The following FSD1 variants were observed in gnomAD, a reference collection of about 807,000 sequenced individuals.
The protein encoded by FSD1 is fibronectin type III and SPRY domain containing 1.
Under a neutral mutation model 58.2 loss-of-function variants are expected in FSD1, and 23 were observed. That is an observed-to-expected ratio of 0.40 (90% CI 0.28 to 0.56). FSD1 has a LOEUF of 0.56. Among genes scored for constraint, FSD1 ranks in the 20% least tolerant of loss-of-function variants. The pLI is 0.54. For synonymous variants in FSD1, 265 were observed against 263.4 expected (o/e 1.01, Z -0.06); for missense variants, 563 against 670.8 (o/e 0.84, Z 1.78).
intron 4 of FSD1, among the ~76,000 whole-genome samples, chr19:4,309,382 T>C (rs766547435): frequency 1.3e-5 from 2 of 152,184 alleles, no homozygotes; most frequent in Non-Finnish European, 2.9e-5. Context: ...GCATGGGACA[T>C]AGTCATGATT....
intron 1 of FSD1, 45 bp downstream of exon 1, chr19:4,304,806 CGGGG>C: frequency 4.5e-5 from 8 of 179,414 alleles, no homozygotes; most frequent in East Asian, 9.5e-5. Flanking sequence ...GCGTCGGGGG[CGGGG>C]AAGGGGACCA....
chr19:4,323,657 C>G lies in FSD1; in HGVS notation c.*14C>G. On this transcript the variant is annotated 3_prime_UTR_variant, in exon 13 of 13. Transcript: ENST00000221856. This position sits in a 1 kb window ranked among gnomAD's most constrained non-coding sequence, Gnocchi z 7.7. ...AGCCTCACCTAGGCCCCCAGGCACC[C>G]ACCCAGCTGGGGTGTTTTTGGGGGA... 6.3e-7 allele frequency: 1 copy of G among 1,587,654 alleles called. No individual in the cohort carries two copies. The highest frequency in any genetic ancestry group is 8.6e-7 in the Non-Finnish European group (1 of 1,159,228).
chr19:4,310,233 A>G (rs1971673175), intron 4 of FSD1, 40 bp from the exon 5 acceptor site: 2 of 1,613,548 alleles, frequency 1.2e-6, no homozygotes, highest in Non-Finnish European at 1.7e-6. Flanking sequence ...TCAAAAACAA[A>G]AAAAGAAATC....
chr19:4,311,338 G>T (rs1277705145), intron 6 of FSD1: 9 of 159,898 alleles, frequency 5.6e-5, no homozygotes, highest in Non-Finnish European at 1.2e-4. Context: ...GCCTGTAAAT[G>T]ATGGAATCCC....
intron 3 of FSD1, among the ~76,000 whole-genome samples, chr19:4,306,835 T>C (rs1044870662): frequency 3.3e-5 from 5 of 152,020 alleles, no homozygotes; most frequent in Non-Finnish European, 7.4e-5. Context: ...CTTCACTCAG[T>C]GCCTCCGGTT....
At chr19:4,307,778 C>T (rs553844740) in intron 3 of FSD1, 104 bp from the exon 4 acceptor site, 5 of 773,932 alleles carry the variant, frequency 6.5e-6, no homozygotes, top group African/African-American at 3.5e-5. Flanking sequence ...ACCTGGAGTT[C>T]GAGAAGGGCA....
chr19:4,312,300 CCAACATGGT>C (rs1971702290), intron 7 of FSD1, among the ~76,000 whole-genome samples: 1 of 151,038 alleles, frequency 6.6e-6, no homozygotes, highest in African/African-American at 2.4e-5. Context: ...ACCAGCGTGG[CCAACATGGT>C]GAAACCCTAT....
Position 4,311,850 on chromosome 19 carries a change from G to T in FSD1, c.499G>T (p.Ala167Ser). Residue 167 changes from alanine (A) to serine (S), a missense_variant, in exon 7 of 13, where the codon GCA becomes TCA. Physicochemically the swap from Ala to Ser is moderately conservative, Grantham distance 99 (BLOSUM62 1). Coordinates refer to ENST00000221856, the MANE Select transcript of FSD1 (RefSeq NM_024333.3). ...QALKFLPVPS[A>S]PVIDLAESLV... ...CTTTCCGTCTTGGTCAGTGCCCAGCGCACCCGTGATCGACCTGGCTGAGTC... is the reference window on the plus strand; with the variant it reads ...CTTTCCGTCTTGGTCAGTGCCCAGCTCACCCGTGATCGACCTGGCTGAGTC... 1 of 1,614,052 alleles carries T rather than the reference G, an allele frequency of 6.2e-7. No individual in the cohort carries two copies. Among genetic ancestry groups the T allele is most frequent in the Non-Finnish European group, 8.5e-7 (1 of 1,179,958 alleles).
At chr19:4,306,746 G>A (rs1020564443) in intron 3 of FSD1, among the ~76,000 whole-genome samples, 3 of 151,656 alleles carry the variant, frequency 2.0e-5, no homozygotes, top group African/African-American at 4.9e-5. Context: ...GAGCCCCCGC[G>A]CCTGGCCCAT....
In FSD1 at chr19:4,306,001, G is replaced by C. The variant is rs753531486; in HGVS notation, c.71G>C (p.Ser24Thr). 7.8e-5 allele frequency: 126 copies of C among 1,614,176 alleles called. No homozygotes were observed. In the South Asian group the frequency reaches 1.0e-3, roughly 13 times the overall value. Residue 24 changes from serine (S) to threonine (T), a missense_variant, in exon 2 of 13, where the codon AGC (serine) becomes ACC (threonine). Physicochemically the swap from Ser to Thr is moderately conservative, Grantham distance 58 (BLOSUM62 1). Transcript: ENST00000221856. ...GCTGTGAAGAATGAAGAAATTCAGAGCTTTATCTACTCCCTGAAACAGATG... is the reference window on the plus strand; with the variant it reads ...GCTGTGAAGAATGAAGAAATTCAGACCTTTATCTACTCCCTGAAACAGATG... ...TLAVKNEEIQ[S>T]FIYSLKQMLL...
At chr19:4,317,529 A>G (rs1249013932) in intron 8 of FSD1, among the ~76,000 whole-genome samples, 1 of 152,210 alleles carries the variant, frequency 6.6e-6, no homozygotes, top group East Asian at 1.9e-4. Context: ...TTGCCAAAAA[A>G]TAGATAAGTC....
At chr19:4,311,236 C>T (rs1484783014) in intron 6 of FSD1, 2 of 155,668 alleles carry the variant, frequency 1.3e-5, no homozygotes, top group African/African-American at 4.8e-5. Context: ...GGCCACGTCC[C>T]CGAGGAGAAA....
intron 7 of FSD1, among the ~76,000 whole-genome samples, chr19:4,312,836 A>AAAT (rs1020790908): frequency 4.9e-5 from 7 of 143,088 alleles, no homozygotes; most frequent in African/African-American, 1.4e-4. Flanking sequence ...ATAAATAAAT[A>AAAT]AATAATAATA....
At chr19:4,316,795 G>A (rs1162995387) in intron 7 of FSD1, among the ~76,000 whole-genome samples, 1 of 151,776 alleles carries the variant, frequency 6.6e-6, no homozygotes, top group East Asian at 1.9e-4. Flanking sequence ...TTGTTGCCCA[G>A]GCTGGAGTGC....
chr19:4,306,448 C>T, intron 3 of FSD1, 119 bp downstream of exon 3: 1 of 898,940 alleles, frequency 1.1e-6, no homozygotes, highest in Non-Finnish European at 1.7e-6. Flanking sequence ...TCCCCTGACC[C>T]CTCCATCCAC....
intron 2 of FSD1, 43 bp downstream of exon 2, chr19:4,306,084 G>A (rs748590153): frequency 6.2e-6 from 10 of 1,603,484 alleles, no homozygotes; most frequent in Non-Finnish European, 8.5e-6. Context: ...GGGGAGGGGA[G>A]GAAGCTGGAG....
intron 6 of FSD1, chr19:4,311,112 T>C (rs1854877923): frequency 6.4e-6 from 1 of 156,694 alleles, no homozygotes; most frequent in Non-Finnish European, 1.4e-5. Flanking sequence ...ACCATGTCGT[T>C]GGGGGAGTGG....
At position 4,306,179 on chromosome 19, in the gene FSD1, T is replaced by G; in HGVS notation, c.112-19T>G. 1.9e-6 allele frequency: 3 copies of G among 1,613,872 alleles called. No individual in the cohort carries two copies. Among genetic ancestry groups the G allele is most frequent in the Non-Finnish European group, 2.5e-6 (3 of 1,179,838 alleles). On this transcript the variant is annotated intron_variant, in intron 2 of 12. Transcript: ENST00000221856. ...TCTCTGAACACGGGCTTTGGCCGAT[T>G]CTGGCTGTTCCGACCCAGGCGAACT... is the stretch of plus-strand genomic sequence containing the variant.
chr19:4,309,412 A>G (rs1176277197), intron 4 of FSD1, among the ~76,000 whole-genome samples: 1 of 152,174 alleles, frequency 6.6e-6, no homozygotes, highest in Non-Finnish European at 1.5e-5. Context: ...TGCCAATTTA[A>G]CTGGGCATCC....
Sources: gnomAD v4.1 joint callset for allele counts (sites outside exome capture counted in the v4.1 genomes callset) on GRCh38, gnomAD v4.1.1 for gene constraint, Gnocchi (gnomAD v3.1) non-coding constraint, MANE v1.5 for transcripts, NCBI Gene and HGNC (gene_info 2026-07-23, HGNC 2026-07-21) for gene names.